The following ANXA6 variants were observed in gnomAD, a reference collection of about 807,000 sequenced individuals.
ANXA6 encodes the protein annexin A6, also known as 67 kDa calelectrin.
In ANXA6, 71 loss-of-function variants were observed where a neutral mutation model predicts 95.4. The observed-to-expected ratio is 0.74, with a 90% CI of 0.61 to 0.91. The LOEUF is 0.91. ANXA6 is among the 40% of genes least tolerant of loss of function. ANXA6 has a pLI of 0.00. For synonymous variants in ANXA6, 289 were observed against 315.9 expected (o/e 0.91, Z 0.90); for missense variants, 830 against 876.4 (o/e 0.95, Z 0.67).
intron 8 of ANXA6, among the ~76,000 whole-genome samples, chr5:151,133,825 T>A (rs910985911): frequency 2.0e-5 from 3 of 152,208 alleles, no homozygotes; most frequent in Non-Finnish European, 4.4e-5. Flanking sequence ...CACAGTTCTA[T>A]TTCCCTCCTT....
At chr5:151,145,630 C>T (rs1033115411) in intron 2 of ANXA6, among the ~76,000 whole-genome samples, 1 of 152,150 alleles carries the variant, frequency 6.6e-6, no homozygotes, top group African/African-American at 2.4e-5. Context: ...TGTATACATG[C>T]ATGCATGTGT....
intron 20 of ANXA6, among the ~76,000 whole-genome samples, chr5:151,112,730 G>GGGAGGATT (rs1487252104): frequency 6.6e-6 from 1 of 152,120 alleles, no homozygotes; most frequent in Non-Finnish European, 1.5e-5. Context: ...GGGCTGAGGT[G>GGGAGGATT]GGAGGATTGC....
chr5:151,122,316 C>T (rs1765190503), intron 16 of ANXA6, 56 bp from the exon 17 acceptor site: 1 of 1,021,596 alleles, frequency 9.8e-7, no homozygotes, highest in East Asian at 2.7e-5. Context: ...ACACATGACT[C>T]AGGATGGGAG....
chr5:151,122,185 C>G lies in ANXA6; in HGVS notation c.1309G>C (p.Ala437Pro), dbSNP rs781639287. The G allele has an allele frequency of 6.2e-7, 1 of 1,601,938 alleles. No homozygotes were observed. Among genetic ancestry groups the G allele is most frequent in the Non-Finnish European group, 8.5e-7 (1 of 1,175,742 alleles). The change falls in exon 17 of 26, where the codon GCC (alanine) becomes CCC (proline). Residue 437 changes from alanine (A) to proline (P), a missense_variant. Coordinates refer to ENST00000354546, the MANE Select transcript of ANXA6 (RefSeq NM_001155.5). ...RLILGLMMPP[A>P]HYDAKQLKKA... ...TTCAACTGCTTGGCATCGTAATGGG[C>G]CGGTGGCATCATGAGCCCCAGAATC...
intron 1 of ANXA6, among the ~76,000 whole-genome samples, chr5:151,150,391 T>A (rs1766078526): frequency 6.6e-6 from 1 of 152,086 alleles, no homozygotes; most frequent in Non-Finnish European, 1.5e-5. Context: ...AAGACCTAAG[T>A]TATGTCAAAG....
At chr5:151,114,072 T>C (rs539366413) in intron 20 of ANXA6, among the ~76,000 whole-genome samples, 24 of 152,322 alleles carry the variant, frequency 1.6e-4, no homozygotes, top group African/African-American at 5.8e-4. Flanking sequence ...ATGAGGTGTT[T>C]GGAAGAGGCA....
At chr5:151,110,025 C>T (rs1014717984) in intron 21 of ANXA6, among the ~76,000 whole-genome samples, 179 bp from the exon 22 acceptor site, 16 of 152,202 alleles carry the variant, frequency 1.1e-4, no homozygotes, top group African/African-American at 3.6e-4. Context: ...CTTCTATACT[C>T]CCCTCTCCAG....
In ANXA6 at chr5:151,121,818, T is replaced by C. The variant is rs548522210; in HGVS notation, c.1347+329A>G. ...TGGAGCTCCTAGGAAGAAGGAACTC[T>C]TTCTGCTGGAGCCGCTAGCTGGCGG... On this transcript the variant is annotated intron_variant, in intron 17 of 25. Coordinates refer to ENST00000354546, the MANE Select transcript of ANXA6 (RefSeq NM_001155.5). Among the ~76,000 whole-genome samples, 11 of 152,326 alleles carry C rather than the reference T, an allele frequency of 7.2e-5. No individual in the cohort carries two copies. The South Asian group carries it at 2.3e-3, about 32-fold the overall frequency.
chr5:151,128,453 G>A (rs1765394036), intron 12 of ANXA6: 1 of 541,100 alleles, frequency 1.8e-6, no homozygotes, highest in Non-Finnish European at 3.3e-6. Flanking sequence ...CTATTTCTGT[G>A]GTGTAAATAC....
chr5:151,123,737 C>G (rs1184386456), intron 15 of ANXA6, among the ~76,000 whole-genome samples: 1 of 152,166 alleles, frequency 6.6e-6, no homozygotes, highest in African/African-American at 2.4e-5. Context: ...AAAGCCAAAC[C>G]CTAGATGGCC....
chr5:151,133,668 C>T (rs1188812006), intron 8 of ANXA6, among the ~76,000 whole-genome samples: 3 of 152,210 alleles, frequency 2.0e-5, no homozygotes, highest in Non-Finnish European at 4.4e-5. Context: ...TATATGTGGT[C>T]CATCATTAAC....
At chr5:151,138,989 T>G in intron 4 of ANXA6, 198 bp from the exon 5 acceptor site, 1 of 606,050 alleles carries the variant, frequency 1.7e-6, no homozygotes, top group Non-Finnish European at 2.9e-6. Flanking sequence ...CTCCATGTCA[T>G]GCTGCTAGCA....
intron 20 of ANXA6, among the ~76,000 whole-genome samples, chr5:151,112,669 A>G (rs2113901828): frequency 6.6e-6 from 1 of 152,308 alleles, no homozygotes; most frequent in East Asian, 1.9e-4. Flanking sequence ...CTACTCTACC[A>G]AAAAATTAGC....
At chr5:151,136,361 T>C in intron 6 of ANXA6, 26 bp from the exon 7 acceptor site, 1 of 1,612,218 alleles carries the variant, frequency 6.2e-7, no homozygotes, top group South Asian at 1.1e-5. Flanking sequence ...CAAGCTCTAG[T>C]CTCATCCCCA....
chr5:151,139,272 G>T, intron 4 of ANXA6, 81 bp downstream of exon 4: 1 of 1,060,532 alleles, frequency 9.4e-7, no homozygotes, highest in Non-Finnish European at 1.4e-6. Context: ...CCATATCCAG[G>T]AAATAACCTG....
chr5:151,155,242 A>G (rs1314231094), intron 1 of ANXA6: 1 of 152,170 alleles, frequency 6.6e-6, no homozygotes, highest in East Asian at 1.9e-4. Context: ...AGTGGTTACC[A>G]TTTTATTGCT....
At chr5:151,115,542 C>A (rs1166809282) in intron 20 of ANXA6, among the ~76,000 whole-genome samples, 1 of 152,144 alleles carries the variant, frequency 6.6e-6, no homozygotes. Flanking sequence ...AGGCACCAGG[C>A]AGAAGCATTC....
At chr5:151,133,234 G>T (rs1257953977) in intron 8 of ANXA6, 47 bp from the exon 9 acceptor site, 3 of 1,408,952 alleles carry the variant, frequency 2.1e-6, no homozygotes. Flanking sequence ...AACCTCAGGA[G>T]ACAGGACACA....
chr5:151,128,318 C>G, intron 12 of ANXA6, 79 bp from the exon 13 acceptor site: 1 of 1,256,584 alleles, frequency 8.0e-7, no homozygotes, highest in South Asian at 1.3e-5. Context: ...TTCTGCACAG[C>G]CTGAAAGAGG....
Sources: allele counts gnomAD v4.1 joint callset (sites outside exome capture counted in the v4.1 genomes callset), GRCh38; gene constraint gnomAD v4.1.1; transcripts MANE v1.5; gene names NCBI Gene and HGNC (gene_info 2026-07-23, HGNC 2026-07-21).